The following STARD13 variants were observed in gnomAD, a reference collection of about 807,000 sequenced individuals.
STARD13 encodes StAR related lipid transfer domain containing 13.
Under a neutral mutation model 106.4 loss-of-function variants are expected in STARD13, and 62 were observed. The observed-to-expected ratio is 0.58, with a 90% CI of 0.48 to 0.72. The LOEUF (loss-of-function observed/expected upper bound fraction) is 0.72. STARD13 is among the 30% of genes least tolerant of loss of function. The pLI, the probability that STARD13 is intolerant of heterozygous loss-of-function variation, is 0.00. For synonymous variants in STARD13, 565 were observed against 553.0 expected (o/e 1.02, Z -0.31); for missense variants, 1,387 against 1,424.0 (o/e 0.97, Z 0.42).
chr13:33,588,145 G>C, the STARD13 span, among the ~76,000 whole-genome samples: 7 of 152,096 alleles, frequency 4.6e-5, no homozygotes, highest in African/African-American at 1.7e-4. Flanking sequence ...TATGCAGTGA[G>C]CTCTTGAAAT....
rs749149931 is a variant in STARD13, at chr13:33,110,899, G to A, written c.2616C>T (p.His872=). The stretch of plus-strand genomic sequence containing the variant: ...AGTTACGAGACTGGGCCACCAACTC[G>A]TGTGGAACCTAGACCAACGGATGCA... ...MECDRLFEVP[H]ELVAQSRNSY... is the part of the protein sequence containing the mutation. The change falls in exon 11 of 14, where the codon CAC becomes CAT. Residue 872 remains histidine, a synonymous_variant. Coordinates refer to ENST00000336934, the MANE Select transcript of STARD13 (RefSeq NM_178006.4). 60 of 1,612,780 alleles carry A rather than the reference G, an allele frequency of 3.7e-5. No individual in the cohort carries two copies. Among genetic ancestry groups the A allele is most frequent in the East Asian group, 8.9e-5 (4 of 44,898 alleles).
chr13:33,183,494 G>T (rs1454299627), intron 1 of STARD13, among the ~76,000 whole-genome samples: 1 of 152,240 alleles, frequency 6.6e-6, no homozygotes, highest in Non-Finnish European at 1.5e-5. Context: ...TAAAGAGGCT[G>T]AAGGGCACAT....
At chr13:33,155,479 A>G (rs552841251) in intron 3 of STARD13, 8 of 152,236 alleles carry the variant, frequency 5.3e-5, no homozygotes, top group East Asian at 1.9e-4. Context: ...CAATACAAAC[A>G]CCTGAAATAT....
the STARD13 span, among the ~76,000 whole-genome samples, chr13:33,436,266 G>A: frequency 1.3e-5 from 2 of 152,136 alleles, no homozygotes; most frequent in Non-Finnish European, 2.9e-5. Flanking sequence ...CTAAACCAAA[G>A]AAAATTTTTT....
chr13:33,633,036 C>T, the STARD13 span, among the ~76,000 whole-genome samples: 2 of 152,094 alleles, frequency 1.3e-5, no homozygotes, highest in African/African-American at 4.8e-5. Context: ...ATGGACTTAT[C>T]TTGAAATTCT....
chr13:33,598,659 G>A, the STARD13 span, among the ~76,000 whole-genome samples: 1 of 152,192 alleles, frequency 6.6e-6, no homozygotes, highest in Non-Finnish European at 1.5e-5. Flanking sequence ...GAAAATATGA[G>A]TGAAGACATC....
At chr13:33,654,641 C>T in the STARD13 span, 1 of 152,086 alleles carries the variant, frequency 6.6e-6, no homozygotes, top group Non-Finnish European at 1.5e-5. Context: ...CTCAAAAACT[C>T]AAATAGAGTA....
Position 33,129,539 on chromosome 13 carries a change from C to A in STARD13, c.1138G>T (p.Asp380Tyr). ...LAGTALPDAG[D>Y]QSRMHEFHSQ... Reference sequence around the variant, plus strand: ...TGAAATTCATGCATACGGCTTTGGTCCCCTGCATCCGGCAGTGCTGTCCCC... The same window carrying A: ...TGAAATTCATGCATACGGCTTTGGTACCCTGCATCCGGCAGTGCTGTCCCC... Residue 380 changes from aspartate to tyrosine, a missense_variant, in exon 5 of 14, where the codon GAC becomes TAC. Coordinates refer to ENST00000336934, the MANE Select transcript of STARD13 (RefSeq NM_178006.4). The A allele has an allele frequency of 6.2e-7, 1 of 1,614,182 alleles. No homozygotes were observed. Among genetic ancestry groups the A allele is most frequent in the South Asian group, 1.1e-5 (1 of 91,086 alleles).
chr13:33,453,910 T>C, the STARD13 span, among the ~76,000 whole-genome samples: 3 of 152,212 alleles, frequency 2.0e-5, no homozygotes, highest in Non-Finnish European at 4.4e-5. Flanking sequence ...AAAAGGTACA[T>C]AGCAGAAAGA....
intron 1 of STARD13, among the ~76,000 whole-genome samples, chr13:33,339,617 TAA>T (rs2077936597): frequency 6.6e-6 from 1 of 152,250 alleles, no homozygotes; most frequent in Non-Finnish European, 1.5e-5. Flanking sequence ...GTTTTAGATC[TAA>T]GAGCTAGAAA....
exon 1 of STARD13, chr13:33,350,610 G>A (rs1720512869): frequency 6.5e-6 from 9 of 1,381,116 alleles, no homozygotes; most frequent in Admixed American, 3.2e-5. Context: ...CTGGCCACCA[G>A]AAACGCCGCG....
the STARD13 span, among the ~76,000 whole-genome samples, chr13:33,662,086 C>A: frequency 6.6e-6 from 1 of 151,794 alleles, no homozygotes; most frequent in Non-Finnish European, 1.5e-5. Context: ...CACGGTGAAA[C>A]CCCGTCTCTA....
chr13:33,495,171 A>G, the STARD13 span, among the ~76,000 whole-genome samples: 1 of 152,322 alleles, frequency 6.6e-6, no homozygotes. Flanking sequence ...CATGAGAATA[A>G]TATCAGAAAC....
chr13:33,117,670 C>T (rs1238252949), intron 8 of STARD13: 1 of 949,498 alleles, frequency 1.1e-6, no homozygotes, highest in Non-Finnish European at 1.3e-6. Context: ...ATTCATGTCA[C>T]TTTGAATTTC....
intron 1 of STARD13, among the ~76,000 whole-genome samples, chr13:33,189,789 C>T (rs1886109914): frequency 6.6e-6 from 1 of 151,932 alleles, no homozygotes; most frequent in Admixed American, 6.6e-5. Flanking sequence ...GCCCCGTGTC[C>T]TCCCTGTGTT....
At chr13:33,566,032 T>C in the STARD13 span, among the ~76,000 whole-genome samples, 1 of 148,426 alleles carries the variant, frequency 6.7e-6, no homozygotes, top group Admixed American at 6.9e-5. Context: ...AAATATTAAA[T>C]GAGGAATTCC....
chr13:33,131,417 T>G (rs1310433376), intron 4 of STARD13, among the ~76,000 whole-genome samples: 1 of 139,184 alleles, frequency 7.2e-6, no homozygotes, highest in Admixed American at 7.7e-5. Context: ...CACAGTGTAG[T>G]CCAAATCGAA....
At chr13:33,336,513 G>T (rs950764875) in intron 1 of STARD13, 3 of 152,254 alleles carry the variant, frequency 2.0e-5, no homozygotes, top group South Asian at 2.1e-4. Flanking sequence ...CAACATTTGG[G>T]GAAGCCGAGG....
At chr13:33,365,181 A>T in the STARD13 span, among the ~76,000 whole-genome samples, 11 of 152,074 alleles carry the variant, frequency 7.2e-5, no homozygotes, top group African/African-American at 2.7e-4. Context: ...AGATGAGGGT[A>T]AGAAAGGGAT....
Sources: allele counts gnomAD v4.1 joint callset (sites outside exome capture counted in the v4.1 genomes callset), GRCh38; gene constraint gnomAD v4.1.1; transcripts MANE v1.5; gene names NCBI Gene and HGNC (gene_info 2026-07-23, HGNC 2026-07-21).